PRKG1: variants seen among roughly 807,000 people sequenced by gnomAD.
PRKG1 encodes the protein cGMP-dependent protein kinase 1.
A neutral mutation model predicts 88.1 loss-of-function variants in PRKG1; 35 were observed. The observed-to-expected ratio is 0.40, with a 90% confidence interval of 0.30 to 0.53. The LOEUF (loss-of-function observed/expected upper bound fraction) is 0.53, where lower values mean the gene tolerates loss of function less well. Ranked by LOEUF, PRKG1 falls within the 20% of genes least tolerant of loss-of-function variation. The probability of loss-of-function intolerance (pLI) is 0.59; values close to 1 mark genes in which losing one functional copy is unlikely to be tolerated. For synonymous variants in PRKG1, 303 were observed against 292.5 expected (o/e 1.04, Z -0.37); for missense variants, 540 against 839.8 (o/e 0.64, Z 4.41).
At chr10:52,072,035 C>T (rs564045624) in intron 7 of PRKG1, among the ~76,000 whole-genome samples, 49 of 152,056 alleles carry the variant, frequency 3.2e-4, no homozygotes, top group African/African-American at 9.9e-4. Flanking sequence ...CGCCCTCTCC[C>T]GTGGGGCCAT....
chr10:51,735,718 T>C (rs1167589876), intron 3 of PRKG1, among the ~76,000 whole-genome samples: 1 of 151,846 alleles, frequency 6.6e-6, no homozygotes, highest in Non-Finnish European at 1.5e-5. Flanking sequence ...AAAATGTAAA[T>C]AGTTGTTATA....
intron 2 of PRKG1, among the ~76,000 whole-genome samples, chr10:51,426,304 G>A (rs1459075563): frequency 6.6e-6 from 1 of 151,870 alleles, no homozygotes. Context: ...AAACAAACAA[G>A]CAAACAAACA....
chr10:52,017,340 T>A (rs1312849554), intron 5 of PRKG1, among the ~76,000 whole-genome samples: 1 of 152,062 alleles, frequency 6.6e-6, no homozygotes, highest in African/African-American at 2.4e-5. Flanking sequence ...AATGCAGAAG[T>A]CAAACCAGAC....
chr10:51,897,088 T>C (rs1265462009), intron 4 of PRKG1, among the ~76,000 whole-genome samples: 1 of 152,118 alleles, frequency 6.6e-6, no homozygotes, highest in Non-Finnish European at 1.5e-5. Context: ...AATTGCATAA[T>C]AGACTGAACC....
intron 2 of PRKG1, among the ~76,000 whole-genome samples, chr10:51,447,399 G>T (rs892705016): frequency 2.0e-5 from 3 of 151,964 alleles, no homozygotes; most frequent in Non-Finnish European, 4.4e-5. Flanking sequence ...AGAACTATTA[G>T]CAAGATTTAG....
chr10:51,152,012 T>C (rs1477363418), intron 1 of PRKG1, among the ~76,000 whole-genome samples: 1 of 152,076 alleles, frequency 6.6e-6, no homozygotes, highest in Admixed American at 6.6e-5. Flanking sequence ...ATTCCAAATG[T>C]GCTGCCTCCT....
At chr10:51,526,109 C>A (rs944690728) in intron 3 of PRKG1, among the ~76,000 whole-genome samples, 15 of 152,108 alleles carry the variant, frequency 9.9e-5, no homozygotes, top group Non-Finnish European at 2.1e-4. Context: ...TGTGAGCCAC[C>A]ATGCCCAGTC....
At chr10:52,194,899 A>G (rs1839464818) in intron 9 of PRKG1, among the ~76,000 whole-genome samples, 1 of 152,160 alleles carries the variant, frequency 6.6e-6, no homozygotes, top group East Asian at 1.9e-4. Flanking sequence ...ATCTGAGCTA[A>G]TTAGTATGAA....
intron 1 of PRKG1, among the ~76,000 whole-genome samples, chr10:51,112,978 G>A (rs1423368726): frequency 1.3e-5 from 2 of 152,156 alleles, no homozygotes; most frequent in Non-Finnish European, 2.9e-5. Flanking sequence ...AGCTCTATGG[G>A]CTTCAACTAG....
chr10:51,818,329 A>G (rs1457527084), intron 4 of PRKG1, among the ~76,000 whole-genome samples: 1 of 152,190 alleles, frequency 6.6e-6, no homozygotes, highest in African/African-American at 2.4e-5. Flanking sequence ...TCAGAATTCT[A>G]ACATCTAGTT....
intron 9 of PRKG1, among the ~76,000 whole-genome samples, chr10:52,227,306 A>G (rs1840411505): frequency 6.6e-6 from 1 of 152,168 alleles, no homozygotes; most frequent in African/African-American, 2.4e-5. Flanking sequence ...ATTACAAAGA[A>G]TAAAAATATA....
intron 3 of PRKG1, among the ~76,000 whole-genome samples, chr10:51,507,629 G>A (rs1277510952): frequency 6.6e-6 from 1 of 152,090 alleles, no homozygotes; most frequent in African/African-American, 2.4e-5. Flanking sequence ...GGTTTGTTAA[G>A]GAGGTAATCC....
chr10:51,667,913 C>T (rs1314505862), intron 3 of PRKG1, among the ~76,000 whole-genome samples: 1 of 152,078 alleles, frequency 6.6e-6, no homozygotes, highest in Non-Finnish European at 1.5e-5. Flanking sequence ...GACCTGAAGA[C>T]AAAATCTGGC....
rs148757458 is a variant in PRKG1, at chr10:52,130,123, G to A, written c.936-3717G>A. ...ACATGTACTATATGCTCAATAAATG[G>A]CAAATATTATAATTTATTGTTTAAT... is the stretch of plus-strand genomic sequence containing the variant. On this transcript the variant is annotated intron_variant, in intron 7 of 17. Transcript: ENST00000373980. 3.4e-3 allele frequency among the ~76,000 whole-genome samples: 519 copies of A among 152,210 alleles called. 2 individuals carry two copies. The highest frequency in any genetic ancestry group is 0.012 in the African/African-American group (499 of 41,532).
At position 51,647,902 on chromosome 10, in the gene PRKG1, G is replaced by A. The variant is rs1391215386; in HGVS notation, c.593-156683G>A. 6.6e-5 allele frequency among the ~76,000 whole-genome samples: 10 copies of A among 151,924 alleles called. No individual in the cohort carries two copies. The South Asian group carries it at 1.7e-3, about 25-fold the overall frequency. On this transcript the variant is annotated intron_variant, in intron 3 of 17. Transcript: ENST00000373980. ...ATTGCACAGTATGTTTTCATCTGAT[G>A]TCTGCATTCCAGACTTAAAAGTCCA...
At chr10:51,351,061 C>T (rs1443624443) in intron 2 of PRKG1, among the ~76,000 whole-genome samples, 1 of 152,160 alleles carries the variant, frequency 6.6e-6, no homozygotes, top group Non-Finnish European at 1.5e-5. Flanking sequence ...TTTCCAGTTT[C>T]ATTCATGTCC....
intron 1 of PRKG1, among the ~76,000 whole-genome samples, chr10:51,141,305 G>A (rs1845814377): frequency 1.3e-5 from 2 of 152,184 alleles, no homozygotes; most frequent in South Asian, 2.1e-4. Flanking sequence ...TTCACGGCCT[G>A]CCTAAACTTC....
At chr10:52,097,306 T>C (rs899611936) in intron 7 of PRKG1, among the ~76,000 whole-genome samples, 1 of 152,138 alleles carries the variant, frequency 6.6e-6, no homozygotes, top group Non-Finnish European at 1.5e-5. Flanking sequence ...AAGGTAAGAA[T>C]GAGTTCTGAT....
intron 7 of PRKG1, among the ~76,000 whole-genome samples, chr10:52,122,724 C>T (rs16926978): frequency 0.15 from 23,135 of 152,068 alleles, 2,566 homozygotes; most frequent in East Asian, 0.31. Flanking sequence ...TGTACCCTAA[C>T]AAGAAAGAAA....
Sources: gnomAD v4.1 joint callset for allele counts (sites outside exome capture counted in the v4.1 genomes callset) on GRCh38, gnomAD v4.1.1 for gene constraint, MANE v1.5 for transcripts, NCBI Gene and HGNC (gene_info 2026-07-23, HGNC 2026-07-21) for gene names.